MFF: variants seen among roughly 807,000 people sequenced by gnomAD.
MFF encodes the protein mitochondrial fission factor.
In MFF, 12 loss-of-function variants were observed where a neutral mutation model predicts 36.9. The ratio of observed to expected loss-of-function variants is 0.33; its 90% CI spans 0.21 to 0.53. The LOEUF (loss-of-function observed/expected upper bound fraction) is 0.53. Among genes scored for constraint, MFF ranks in the 20% least tolerant of loss-of-function variants. The probability of loss-of-function intolerance (pLI) is 0.95; values close to 1 mark genes in which losing one functional copy is unlikely to be tolerated. For synonymous variants in MFF, 99 were observed against 126.2 expected, an observed-to-expected ratio of 0.78 and a Z score of 1.44; for missense variants, 348 against 366.6, an observed-to-expected ratio of 0.95 and a Z score of 0.42.
chr2:227,347,146 G>A (rs1448928368), intron 5 of MFF, 80 bp from the exon 6 acceptor site: 2 of 1,281,254 alleles, frequency 1.6e-6, no homozygotes, highest in African/African-American at 2.9e-5. Flanking sequence ...AGAAAATTAA[G>A]ATAAAGACTG....
rs1347660072 is a variant in MFF at position 227,356,971 on chromosome 2, T to G, written c.745-15T>G. On this transcript the variant is annotated splice_polypyrimidine_tract_variant and intron_variant, in intron 8 of 8. Transcript: ENST00000304593. ...CCTCTATATTATATTTTTTGTGTGT[T>G]TGTTTTTCACTTAGATAATCAAACT... The G allele has an allele frequency of 1.2e-6, 2 of 1,601,088 alleles. No individual in the cohort carries two copies. The highest frequency in any genetic ancestry group is 1.7e-6 in the Non-Finnish European group (2 of 1,171,570).
chr2:227,332,954 AC>A (rs2074708968), intron 4 of MFF, among the ~76,000 whole-genome samples: 1 of 152,062 alleles, frequency 6.6e-6, no homozygotes, highest in African/African-American at 2.4e-5. Context: ...GGCAAAGAAA[AC>A]CCTTTTTCGC....
chr2:227,349,882 T>C (rs2075900092), intron 6 of MFF, among the ~76,000 whole-genome samples: 1 of 152,156 alleles, frequency 6.6e-6, no homozygotes, highest in Non-Finnish European at 1.5e-5. Flanking sequence ...GCTAATGCAA[T>C]ACCTTATCTT....
At chr2:227,327,631 C>T (rs1025206970) in intron 1 of MFF, among the ~76,000 whole-genome samples, 2 of 152,054 alleles carry the variant, frequency 1.3e-5, no homozygotes, top group South Asian at 2.1e-4. Flanking sequence ...CAGATATTCT[C>T]GTAAGAAAAG....
intron 2 of MFF, 44 bp from the exon 3 acceptor site, chr2:227,330,582 G>T: frequency 7.9e-7 from 1 of 1,269,762 alleles, no homozygotes; most frequent in South Asian, 1.4e-5. Context: ...AGAGGAGACT[G>T]ACATTTTAAC....
At chr2:227,336,154 T>C (rs957046205) in intron 4 of MFF, among the ~76,000 whole-genome samples, 1 of 152,206 alleles carries the variant, frequency 6.6e-6, no homozygotes, top group South Asian at 2.1e-4. Context: ...AAATGCTGCC[T>C]GTAAGAAGAT....
intron 4 of MFF, among the ~76,000 whole-genome samples, chr2:227,335,456 G>A (rs1210337302): frequency 2.0e-5 from 3 of 152,182 alleles, no homozygotes; most frequent in East Asian, 1.9e-4. Flanking sequence ...AACGTTGTGA[G>A]TGTACTAAAT....
intron 4 of MFF, among the ~76,000 whole-genome samples, chr2:227,338,923 T>C (rs55703191): frequency 0.099 from 15,011 of 150,954 alleles, 1,176 homozygotes; most frequent in African/African-American, 0.21. Context: ...AGTATTTTTG[T>C]TGGGCTCAGT....
At chr2:227,331,299 C>T (rs1224545694) in intron 3 of MFF, among the ~76,000 whole-genome samples, 1 of 152,262 alleles carries the variant, frequency 6.6e-6, no homozygotes, top group East Asian at 1.9e-4. Context: ...TCTTATCTGT[C>T]TTCTTTTGTT....
In MFF at chr2:227,340,398, C is replaced by T. The variant is rs762672870; in HGVS notation, c.440+18C>T. The T allele has an allele frequency of 1.6e-5, 23 of 1,424,144 alleles. No homozygotes were observed. The highest frequency in any genetic ancestry group is 2.0e-5 in the Non-Finnish European group (21 of 1,052,586). The allele number at this position is 1,424,144 out of a possible 1,614,324, so 88.2% of individuals were successfully genotyped here. ...GATTCTCTGTGAGTAGAAGCACTAG[C>T]ATTTTATCTCGTTTGTAAGTTTTCT... is the stretch of plus-strand genomic sequence containing the variant. On this transcript the variant is annotated intron_variant, in intron 5 of 8. Coordinates refer to ENST00000304593, the MANE Select transcript of MFF (RefSeq NM_001277062.2).
intron 4 of MFF, among the ~76,000 whole-genome samples, chr2:227,339,712 A>G (rs1351087121): frequency 6.6e-6 from 1 of 152,220 alleles, no homozygotes; most frequent in Non-Finnish European, 1.5e-5. Flanking sequence ...ATTTCAGGGG[A>G]AAGAAACAGA....
chr2:227,349,212 C>T (rs901181979), intron 6 of MFF, among the ~76,000 whole-genome samples: 3 of 151,954 alleles, frequency 2.0e-5, no homozygotes, highest in African/African-American at 7.2e-5. Context: ...TCCCAATTCC[C>T]CCTCACCAGC....
Position 227,357,057 on chromosome 2 carries a change from C to T in MFF, c.816C>T (p.Val272=). The change falls in exon 9 of 9, where the codon GTC becomes GTT. Residue 272 remains valine, a synonymous_variant. Coordinates refer to ENST00000304593, the MANE Select transcript of MFF (RefSeq NM_001277062.2). The part of the protein sequence containing the change: ...ENKERAKREM[V]MYSITVAFWL... Reference sequence around the variant, plus strand: ...AAGAACGTGCTAAAAGAGAAATGGTCATGTATTCAATTACTGTAGCTTTCT... The same window carrying T: ...AAGAACGTGCTAAAAGAGAAATGGTTATGTATTCAATTACTGTAGCTTTCT... 6.2e-7 allele frequency: 1 copy of T among 1,612,682 alleles called. No individual in the cohort carries two copies. The highest frequency in any genetic ancestry group is 8.5e-7 in the Non-Finnish European group (1 of 1,179,876).
In MFF at chr2:227,330,837, G is replaced by A. The variant is rs2074518808; in HGVS notation, c.172G>A (p.Val58Ile). 1.9e-6 allele frequency: 3 copies of A among 1,613,394 alleles called. No homozygotes were observed. The highest frequency in any genetic ancestry group is 2.5e-6 in the Non-Finnish European group (3 of 1,179,296). ...GATAATGCAAGTTCCGGAGAGGATT[G>A]TTGTAGCAGGTATTTCACCTTTACT... Reference protein sequence around the residue: ...SVIMQVPERIVVAGNNEDVSF... With the variant: ...SVIMQVPERIIVAGNNEDVSF... The change falls in exon 3 of 9, where the codon GTT (valine) becomes ATT (isoleucine). Residue 58 changes from valine (V) to isoleucine (I), a missense_variant. By Grantham distance (29) the Val-to-Ile change is conservative. Transcript: ENST00000304593.
At chr2:227,351,969 C>G (rs1263819438) in intron 6 of MFF, 2 of 152,542 alleles carry the variant, frequency 1.3e-5, no homozygotes, top group Admixed American at 1.3e-4. Flanking sequence ...TTGAATGAGA[C>G]ACAGCTGCAA....
intron 8 of MFF, among the ~76,000 whole-genome samples, chr2:227,356,290 A>G (rs939261155): frequency 1.3e-5 from 2 of 152,192 alleles, no homozygotes; most frequent in African/African-American, 4.8e-5. Flanking sequence ...CCAAATAGAT[A>G]TAGAGGGAAA....
intron 5 of MFF, 89 bp downstream of exon 5, chr2:227,340,469 T>C (rs1325261583): frequency 2.1e-6 from 2 of 942,802 alleles, no homozygotes; most frequent in Non-Finnish European, 3.2e-6. Flanking sequence ...TTACTTCATG[T>C]AGTTTTTAAA....
chr2:227,340,555 G>T, intron 5 of MFF, 175 bp downstream of exon 5: 1 of 559,072 alleles, frequency 1.8e-6, no homozygotes, highest in Non-Finnish European at 3.2e-6. Flanking sequence ...TTGGTCCTGA[G>T]AATTTTTCAG....
rs544887270 is a variant in MFF at position 227,336,803 on chromosome 2, A to G, written c.352-3489A>G. Among the ~76,000 whole-genome samples the G allele has an allele frequency of 4.6e-5, 7 of 152,364 alleles. No individual in the cohort carries two copies. In the East Asian group the frequency reaches 1.2e-3, roughly 25 times the overall value. Reference sequence around the variant, plus strand: ...GGCCCTAGACCTGTAATTCTACCGTAAAGAAGTAGCAGATGGTTATTGGTG... The same window carrying G: ...GGCCCTAGACCTGTAATTCTACCGTGAAGAAGTAGCAGATGGTTATTGGTG... On this transcript the variant is annotated intron_variant, in intron 4 of 8. Coordinates refer to ENST00000304593, the MANE Select transcript of MFF (RefSeq NM_001277062.2).
Sources: allele counts gnomAD v4.1 joint callset (sites outside exome capture counted in the v4.1 genomes callset), GRCh38; gene constraint gnomAD v4.1.1; transcripts MANE v1.5; gene names NCBI Gene and HGNC (gene_info 2026-07-23, HGNC 2026-07-21).